The following STAT4 variants were observed in gnomAD, a reference collection of about 807,000 sequenced individuals.
STAT4 encodes signal transducer and activator of transcription 4.
Under a neutral mutation model 110.5 loss-of-function variants are expected in STAT4, and 42 were observed. The ratio of observed to expected loss-of-function variants is 0.38; its 90% CI spans 0.30 to 0.49. STAT4 has a LOEUF of 0.49. Among genes scored for constraint, STAT4 ranks in the 20% least tolerant of loss-of-function variants. The pLI is 0.95. For missense variants in STAT4, 632 were observed against 887.9 expected, an observed-to-expected ratio of 0.71 and a Z score of 3.66; for synonymous variants, 284 against 302.2, an observed-to-expected ratio of 0.94 and a Z score of 0.63.
rs1242891280 is a variant in STAT4 at position 191,066,500 on chromosome 2, T to A, written c.560A>T (p.Asn187Ile). 6.2e-7 allele frequency: 1 copy of A among 1,613,402 alleles called. No homozygotes were observed. Among genetic ancestry groups the A allele is most frequent in the Non-Finnish European group, 8.5e-7 (1 of 1,179,596 alleles). ...TIQTMDQSDK[N>I]SAMVNQEVLT... Reference sequence around the variant, plus strand: ...AACTTCCTGATTCACCATGGCACTATTCTTGTCACTCTGATCTGCAAAGGT... The same window carrying A: ...AACTTCCTGATTCACCATGGCACTAATCTTGTCACTCTGATCTGCAAAGGT... The change falls in exon 7 of 24, where the codon AAT becomes ATT. Residue 187 changes from asparagine (N) to isoleucine (I), a missense_variant. By Grantham distance (149) the Asn-to-Ile change is moderately radical. Coordinates refer to ENST00000392320, the MANE Select transcript of STAT4 (RefSeq NM_003151.4). This position sits in a 1 kb window ranked among gnomAD's most constrained non-coding sequence, Gnocchi z 4.3.
At chr2:191,096,132 C>T (rs1347791855) in intron 3 of STAT4, among the ~76,000 whole-genome samples, 2 of 152,040 alleles carry the variant, frequency 1.3e-5, no homozygotes, top group Admixed American at 6.6e-5. Context: ...AATTAATAGC[C>T]TACCAACCAA....
chr2:191,100,839 G>A (rs1698131752), intron 3 of STAT4, among the ~76,000 whole-genome samples: 1 of 151,400 alleles, frequency 6.6e-6, no homozygotes, highest in South Asian at 2.1e-4. Context: ...TAACCTCTGG[G>A]CTTGATAATG....
chr2:191,105,512 T>G (rs1298899693), intron 3 of STAT4, among the ~76,000 whole-genome samples: 1 of 152,222 alleles, frequency 6.6e-6, no homozygotes, highest in African/African-American at 2.4e-5. Flanking sequence ...TATTTGTCTT[T>G]TACATTATAT....
chr2:191,132,966 G>A (rs936294239), intron 3 of STAT4, among the ~76,000 whole-genome samples: 1 of 151,338 alleles, frequency 6.6e-6, no homozygotes, highest in African/African-American at 2.4e-5. Flanking sequence ...GTGTTAGCCA[G>A]GATGGTCTCG....
intron 13 of STAT4, among the ~76,000 whole-genome samples, chr2:191,056,242 T>G (rs1391301586): frequency 2.6e-5 from 4 of 152,226 alleles, no homozygotes; most frequent in Non-Finnish European, 5.9e-5. Flanking sequence ...TGCTAAATGT[T>G]AATAAGCAGA....
rs1696491168 is a variant in STAT4, at chr2:191,050,521, G to A, written c.1251+3969C>T. Among the ~76,000 whole-genome samples, 2 of 151,636 alleles carry A rather than the reference G, an allele frequency of 1.3e-5. No homozygotes were observed. Among genetic ancestry groups the A allele is most frequent in the African/African-American group, 4.8e-5 (2 of 41,280 alleles). Reference sequence around the variant, plus strand: ...AAATCTAAAGCTCCTACCCTATGTTGCACTTCTGAGGATTAAAGAATCTTA... The same window carrying A: ...AAATCTAAAGCTCCTACCCTATGTTACACTTCTGAGGATTAAAGAATCTTA... On this transcript the variant is annotated intron_variant, in intron 14 of 23. Coordinates refer to ENST00000392320, the MANE Select transcript of STAT4 (RefSeq NM_003151.4). This position sits in a 1 kb window ranked among gnomAD's most constrained non-coding sequence, Gnocchi z 4.3.
At chr2:191,087,383 C>T (rs916290645) in intron 3 of STAT4, among the ~76,000 whole-genome samples, 1 of 152,070 alleles carries the variant, frequency 6.6e-6, no homozygotes, top group Non-Finnish European at 1.5e-5. Flanking sequence ...AAATATATTT[C>T]TTTGATGTGT....
intron 13 of STAT4, among the ~76,000 whole-genome samples, chr2:191,055,153 C>A (rs149451894): frequency 2.0e-5 from 3 of 151,598 alleles, no homozygotes; most frequent in South Asian, 4.2e-4. Flanking sequence ...AAGTTAATAG[C>A]GTTGCAAAGT....
chr2:191,049,697 G>A (rs930885291), intron 14 of STAT4, among the ~76,000 whole-genome samples: 1 of 152,166 alleles, frequency 6.6e-6, no homozygotes, highest in African/African-American at 2.4e-5. Context: ...CAGTGGGTTA[G>A]ATCCTGGGAA....
At chr2:191,130,261 C>T (rs559783210) in intron 3 of STAT4, among the ~76,000 whole-genome samples, 11 of 149,746 alleles carry the variant, frequency 7.3e-5, no homozygotes, top group African/African-American at 2.2e-4. Flanking sequence ...CTTGGCCTGC[C>T]GCCCAGGCTG....
chr2:191,084,246 A>G (rs1390179320), intron 3 of STAT4, among the ~76,000 whole-genome samples: 2 of 151,540 alleles, frequency 1.3e-5, no homozygotes, highest in Admixed American at 1.3e-4. Flanking sequence ...TGGGTGACGG[A>G]GCAAGACTCC....
intron 3 of STAT4, among the ~76,000 whole-genome samples, chr2:191,123,651 A>T (rs1329193582): frequency 6.6e-6 from 1 of 152,214 alleles, no homozygotes; most frequent in African/African-American, 2.4e-5. Flanking sequence ...CTAGCCTCGA[A>T]TTGGGCAAAA....
rs1303979668 is a variant in STAT4 at position 191,146,534 on chromosome 2, T to C, written c.273+79A>G. The C allele has an allele frequency of 8.2e-7, 1 of 1,225,750 alleles. No individual in the cohort carries two copies. The highest frequency in any genetic ancestry group is 1.6e-5 in the African/African-American group (1 of 63,746). The allele number at this position is 1,225,750 out of a possible 1,614,324, so 75.9% of individuals were successfully genotyped here. On this transcript the variant is annotated intron_variant, in intron 3 of 23. Transcript: ENST00000392320. This position sits in a 1 kb window ranked among gnomAD's most constrained non-coding sequence, Gnocchi z 4.5. ...CCCTAAATTTCATTTGAAAATAATA[T>C]AAGGGTACATATTTAATTTTTAACT...
At chr2:191,036,565 C>G (rs2125151916) in intron 16 of STAT4, among the ~76,000 whole-genome samples, 1 of 152,318 alleles carries the variant, frequency 6.6e-6, no homozygotes, top group South Asian at 2.1e-4. Flanking sequence ...AGAGAAGTAA[C>G]AAGACTTCTG....
chr2:191,134,480 C>A (rs1699125579), intron 3 of STAT4, among the ~76,000 whole-genome samples: 3 of 152,146 alleles, frequency 2.0e-5, no homozygotes, highest in Admixed American at 2.0e-4. Flanking sequence ...ACCCCTGGGG[C>A]CTAAATACTG....
chr2:191,096,153 G>A (rs1207695220), intron 3 of STAT4, among the ~76,000 whole-genome samples: 1 of 152,124 alleles, frequency 6.6e-6, no homozygotes, highest in African/African-American at 2.4e-5. Context: ...AAAAAGCCCA[G>A]GACCAGAGGG....
chr2:191,088,834 T>C (rs1243147899), intron 3 of STAT4, among the ~76,000 whole-genome samples: 1 of 152,190 alleles, frequency 6.6e-6, no homozygotes, highest in Non-Finnish European at 1.5e-5. Flanking sequence ...ACAAAGGTGG[T>C]CTTTTCAACA....
At chr2:191,070,730 G>T (rs1697120185) in intron 5 of STAT4, among the ~76,000 whole-genome samples, 1 of 151,932 alleles carries the variant, frequency 6.6e-6, no homozygotes, top group Admixed American at 6.6e-5. Context: ...TAAATGATTG[G>T]TTACAAAAAG....
rs1032819835 is a variant in STAT4, at chr2:191,150,565, C to A, written c.-2+382G>T. Among the ~76,000 whole-genome samples, 1 of 152,186 alleles carries A rather than the reference C, an allele frequency of 6.6e-6. No individual in the cohort carries two copies. The highest frequency in any genetic ancestry group is 2.1e-4 in the South Asian group (1 of 4,832). ...AGTCACCGGCTGCCGTAGCTGCAAG[C>A]TTTTTTCTGAAATCCAGGTACGCTA... On this transcript the variant is annotated intron_variant, in intron 1 of 23. Transcript: ENST00000392320. The surrounding 1 kb of genome is among the most constrained non-coding windows in gnomAD (Gnocchi z 6.4).
Sources: gnomAD v4.1 joint callset for allele counts (sites outside exome capture counted in the v4.1 genomes callset) on GRCh38, gnomAD v4.1.1 for gene constraint, Gnocchi (gnomAD v3.1) non-coding constraint, MANE v1.5 for transcripts, NCBI Gene and HGNC (gene_info 2026-07-23, HGNC 2026-07-21) for gene names.